Variants in CAMTA1 observed in about 807,000 individuals in gnomAD.
CAMTA1 encodes the protein calmodulin binding transcription activator 1.
In CAMTA1, 27 loss-of-function variants were observed where a neutral mutation model predicts 170.9. The ratio of observed to expected loss-of-function variants is 0.16; its 90% CI spans 0.12 to 0.22. The LOEUF (loss-of-function observed/expected upper bound fraction) is 0.22, where lower values mean the gene tolerates loss of function less well. Among genes scored for constraint, CAMTA1 ranks in the 10% least tolerant of loss-of-function variants. CAMTA1 has a pLI of 1.00. For missense variants in CAMTA1, 1,619 were observed against 2,217.2 expected (o/e 0.73, Z 5.42); for synonymous variants, 833 against 891.5 (o/e 0.93, Z 1.17).
At chr1:7,704,269 C>G (rs947963234) in intron 11 of CAMTA1, among the ~76,000 whole-genome samples, 2 of 145,960 alleles carry the variant, frequency 1.4e-5, no homozygotes, top group African/African-American at 4.9e-5. Context: ...CCAGGCAGGG[C>G]GGGCGCGGGG....
At chr1:7,661,690 C>T (rs373768861) in intron 7 of CAMTA1, 36 bp from the exon 8 acceptor site, 16 of 1,612,272 alleles carry the variant, frequency 9.9e-6, no homozygotes, top group African/African-American at 8.0e-5. Flanking sequence ...TCTGCACCCA[C>T]GGGCTCTGAC....
At position 7,234,617 on chromosome 1, in the gene CAMTA1, C is replaced by T. The variant is rs1216731448; in HGVS notation, c.303-14874C>T. Among the ~76,000 whole-genome samples, 3 of 152,282 alleles carry T rather than the reference C, an allele frequency of 2.0e-5. No homozygotes were observed. The highest frequency in any genetic ancestry group is 7.2e-5 in the African/African-American group (3 of 41,554). On this transcript the variant is annotated intron_variant, in intron 4 of 22. Transcript: ENST00000303635. This position sits in a 1 kb window ranked among gnomAD's most constrained non-coding sequence, Gnocchi z 5.0. Reference sequence around the variant, plus strand: ...AGTTTCAAGCCGAGGCCCTGGGAGCCCTGGGAAGGTGCCATGAAGGAGGCG... The same window carrying T: ...AGTTTCAAGCCGAGGCCCTGGGAGCTCTGGGAAGGTGCCATGAAGGAGGCG...
chr1:7,348,234 C>T (rs2084371908), intron 5 of CAMTA1, among the ~76,000 whole-genome samples: 1 of 152,246 alleles, frequency 6.6e-6, no homozygotes, highest in African/African-American at 2.4e-5. Flanking sequence ...TGCCTCAATT[C>T]CTCCTGGCCC....
rs575452705 is a variant in CAMTA1 at position 7,136,859 on chromosome 1, G to A, written c.302+45488G>A. Reference sequence around the variant, plus strand: ...CCTGCTAACCCCTTAAGGCTGGAGCGCCCAGGGTTCGGTCATCATCTTCTC... The same window carrying A: ...CCTGCTAACCCCTTAAGGCTGGAGCACCCAGGGTTCGGTCATCATCTTCTC... On this transcript the variant is annotated intron_variant, in intron 4 of 22. Coordinates refer to ENST00000303635, the MANE Select transcript of CAMTA1 (RefSeq NM_015215.4). Among the ~76,000 whole-genome samples, 66 of 152,270 alleles carry A rather than the reference G, an allele frequency of 4.3e-4. No homozygotes were observed. In the South Asian group the frequency reaches 6.4e-3, roughly 15 times the overall value.
At position 7,766,760 on chromosome 1, in the gene CAMTA1, G is replaced by A; in HGVS notation, c.*269G>A. On this transcript the variant is annotated 3_prime_UTR_variant, in exon 23 of 23. Transcript: ENST00000303635. Reference sequence around the variant, plus strand: ...AACTCAATCTTCTGTTGGATCACGGGAAATCAAGACACCCAGGAGGAATTG... The same window carrying A: ...AACTCAATCTTCTGTTGGATCACGGAAAATCAAGACACCCAGGAGGAATTG... 1 of 468,740 alleles carries A rather than the reference G, an allele frequency of 2.1e-6. No homozygotes were observed. Among genetic ancestry groups the A allele is most frequent in the Non-Finnish European group, 3.8e-6 (1 of 260,706 alleles). 29.0% of individuals were successfully genotyped at this position (468,740 alleles called of 1,614,324 possible). A position where few individuals can be genotyped will look rare whatever the true frequency, so the allele number is the denominator to read the frequency against.
intron 3 of CAMTA1, among the ~76,000 whole-genome samples, chr1:6,998,508 C>T (rs1367688286): frequency 6.6e-6 from 1 of 152,180 alleles, no homozygotes; most frequent in Non-Finnish European, 1.5e-5. Context: ...TCCTCAGTCA[C>T]CAGAGGGAGC....
intron 5 of CAMTA1, among the ~76,000 whole-genome samples, chr1:7,309,448 C>G (rs560835854): frequency 6.6e-6 from 1 of 151,258 alleles, no homozygotes; most frequent in African/African-American, 2.4e-5. Flanking sequence ...TACAGGCGCC[C>G]GCCACTACGC....
intron 3 of CAMTA1, among the ~76,000 whole-genome samples, chr1:7,055,209 T>C (rs570063130): frequency 2.7e-4 from 41 of 152,180 alleles, no homozygotes; most frequent in Non-Finnish European, 4.7e-4. Context: ...CAGATAGTAA[T>C]AGCACCTAGC....
intron 3 of CAMTA1, among the ~76,000 whole-genome samples, chr1:6,828,286 C>CTTTTTTTTTTTTTTT (rs746522147): frequency 1.4e-5 from 1 of 69,714 alleles, no homozygotes; most frequent in Non-Finnish European, 2.5e-5. Flanking sequence ...TCATTCCATC[C>CTTTTTTTTTTTTTTT]TTTTTTTTTT....
At chr1:7,291,704 A>C (rs1418688419) in intron 5 of CAMTA1, among the ~76,000 whole-genome samples, 1 of 152,258 alleles carries the variant, frequency 6.6e-6, no homozygotes, top group Non-Finnish European at 1.5e-5. Context: ...CAGAGAGCCT[A>C]GCCCAGGAGT....
chr1:6,806,371 G>A (rs1308475366), intron 1 of CAMTA1, among the ~76,000 whole-genome samples: 2 of 152,130 alleles, frequency 1.3e-5, no homozygotes, highest in African/African-American at 4.8e-5. Flanking sequence ...ATGAATATTA[G>A]GATCAGCTTG....
intron 4 of CAMTA1, among the ~76,000 whole-genome samples, chr1:7,172,402 G>A (rs1017995637): frequency 1.3e-5 from 2 of 152,144 alleles, no homozygotes; most frequent in African/African-American, 2.4e-5. Flanking sequence ...TGCCCACCTC[G>A]GCCTCCCAAA....
chr1:6,834,273 T>A (rs1570654825), intron 3 of CAMTA1: 1 of 162,176 alleles, frequency 6.2e-6, no homozygotes, highest in East Asian at 1.8e-4. Flanking sequence ...TATTTTATTT[T>A]TTGTTTTTTT....
chr1:6,942,839 G>C (rs193075995), intron 3 of CAMTA1, among the ~76,000 whole-genome samples: 8 of 152,290 alleles, frequency 5.3e-5, no homozygotes, highest in African/African-American at 1.9e-4. Context: ...GGGCAGCACG[G>C]CCAGACACGA....
At chr1:7,174,482 G>A (rs1267708700) in intron 4 of CAMTA1, among the ~76,000 whole-genome samples, 1 of 152,226 alleles carries the variant, frequency 6.6e-6, no homozygotes, top group Non-Finnish European at 1.5e-5. Flanking sequence ...TGCCTTGGAT[G>A]AGAGAAGAGG....
At chr1:6,978,781 G>A (rs1693926287) in intron 3 of CAMTA1, among the ~76,000 whole-genome samples, 2 of 151,986 alleles carry the variant, frequency 1.3e-5, no homozygotes, top group South Asian at 4.2e-4. Context: ...TATTCTATTG[G>A]TGAGTCTAGG....
intron 4 of CAMTA1, among the ~76,000 whole-genome samples, chr1:7,171,979 A>G (rs1217142607): frequency 2.0e-5 from 3 of 152,202 alleles, no homozygotes; most frequent in Non-Finnish European, 4.4e-5. Context: ...TGTCTATTGT[A>G]CTGGACCACA....
intron 3 of CAMTA1, chr1:6,871,948 C>G: frequency 7.8e-7 from 1 of 1,288,046 alleles, no homozygotes. Flanking sequence ...ATAGAGATAC[C>G]CCTTTGAGTG....
chr1:7,645,875 G>C (rs961874127), intron 7 of CAMTA1, among the ~76,000 whole-genome samples: 1 of 152,264 alleles, frequency 6.6e-6, no homozygotes, highest in African/African-American at 2.4e-5. Flanking sequence ...ACAGGCACGA[G>C]TGTGTGGGGA....
Sources: allele counts gnomAD v4.1 joint callset (sites outside exome capture counted in the v4.1 genomes callset), GRCh38; gene constraint gnomAD v4.1.1; non-coding constraint Gnocchi (gnomAD v3.1); transcripts MANE v1.5; gene names NCBI Gene and HGNC (gene_info 2026-07-23, HGNC 2026-07-21).